Variants in MRPS18C observed in about 807,000 individuals in gnomAD.
MRPS18C encodes small ribosomal subunit protein bS18m.
In MRPS18C, 21 loss-of-function variants were observed where a neutral mutation model predicts 21.0. That is an observed-to-expected ratio of 1.00 (90% CI 0.71 to 1.44). The LOEUF (loss-of-function observed/expected upper bound fraction) is 1.44, where lower values mean the gene tolerates loss of function less well. Ranked by LOEUF, MRPS18C falls within the 40% of genes most tolerant of loss-of-function variation. The pLI is 0.00. For missense variants in MRPS18C, 152 were observed against 171.5 expected, an observed-to-expected ratio of 0.89 and a Z score of 0.64; for synonymous variants, 65 against 54.3, an observed-to-expected ratio of 1.20 and a Z score of -0.87.
At chr4:83,460,639 C>T (rs865809205) in intron 4 of MRPS18C, 12 of 242,308 alleles carry the variant, frequency 5.0e-5, no homozygotes, top group Middle Eastern at 1.5e-3. Flanking sequence ...CATGTTGGCT[C>T]ACACCTGTAA....
At chr4:83,460,018 T>C (rs910988850) in intron 4 of MRPS18C, 6 of 394,656 alleles carry the variant, frequency 1.5e-5, no homozygotes, top group African/African-American at 1.2e-4. Context: ...AACTGGGCTT[T>C]AAAAAACTGT....
rs1722130841 is a variant in MRPS18C at position 83,461,842 on chromosome 4, T to C, written c.*645T>C. 1 of 227,872 alleles carries C rather than the reference T, an allele frequency of 4.4e-6. No individual in the cohort carries two copies. 14.1% of individuals were successfully genotyped at this position (227,872 alleles called of 1,614,324 possible). Reference sequence around the variant, plus strand: ...TTTGTGTTGTGTTATAGTTGTGTAATAATTAAGGCTGCCAGATTTAGCAAG... The same window carrying C: ...TTTGTGTTGTGTTATAGTTGTGTAACAATTAAGGCTGCCAGATTTAGCAAG... On this transcript the variant is annotated 3_prime_UTR_variant, in exon 6 of 6. Coordinates refer to ENST00000295491, the MANE Select transcript of MRPS18C (RefSeq NM_016067.4).
chr4:83,460,783 G>T (rs1722066382), intron 4 of MRPS18C, 190 bp from the exon 5 acceptor site: 2 of 554,384 alleles, frequency 3.6e-6, no homozygotes, highest in South Asian at 2.1e-5. Context: ...GTGCATGCCT[G>T]TAATTCCAGT....
chr4:83,461,014 AAG>A lies in MRPS18C; in HGVS notation c.339_340del (p.Arg113SerfsTer21). ...KKQKEITKAI[K>X]RAQIMGFMPV... ...ACAGAAAGAAATCACAAAAGCAATT[AAG>A]AGAGCTCAAATAATGGGTAAGAAAG... On this transcript the variant is annotated frameshift_variant, in exon 5 of 6. Transcript: ENST00000295491. LOFTEE classifies it high-confidence loss of function. 1.2e-6 allele frequency: 2 copies of A among 1,611,892 alleles called. No individual in the cohort carries two copies. The highest frequency in any genetic ancestry group is 1.7e-6 in the Non-Finnish European group (2 of 1,179,194).
intron 2 of MRPS18C, 34 bp from the exon 3 acceptor site, chr4:83,458,312 A>C: frequency 7.2e-7 from 1 of 1,389,038 alleles, no homozygotes; most frequent in Non-Finnish European, 1.0e-6. Context: ...GAATTAACAC[A>C]TCCTATTATC....
intron 4 of MRPS18C, 63 bp downstream of exon 4, chr4:83,459,860 C>T: frequency 4.3e-6 from 6 of 1,401,834 alleles, no homozygotes; most frequent in Non-Finnish European, 5.9e-6. Context: ...CTATTTCTAT[C>T]ATTTAAGAAA....
Position 83,460,918 on chromosome 4 carries a change from T to G in MRPS18C, c.293-55T>G, listed in dbSNP as rs1722076212. 29 of 1,523,290 alleles carry G rather than the reference T, an allele frequency of 1.9e-5. 1 individual carries two copies. In the South Asian group the frequency reaches 3.5e-4, roughly 18 times the overall value. The allele number at this position is 1,523,290 out of a possible 1,614,324, so 94.4% of individuals were successfully genotyped here. ...GAGACTCCATCTCAAAAAAAAAAAT[T>G]GCAAACTTTAAATATTGACATTTTT... On this transcript the variant is annotated intron_variant, in intron 4 of 5. Coordinates refer to ENST00000295491, the MANE Select transcript of MRPS18C (RefSeq NM_016067.4).
At position 83,458,326 on chromosome 4, in the gene MRPS18C, CTT is replaced by C; in HGVS notation, c.151-17_151-16del. 4 of 1,504,254 alleles carry C rather than the reference CTT, an allele frequency of 2.7e-6. No individual in the cohort carries two copies. The highest frequency in any genetic ancestry group is 1.2e-5 in the South Asian group (1 of 86,798). 93.2% of individuals were successfully genotyped at this position (1,504,254 alleles called of 1,614,324 possible). A position where few individuals can be genotyped will look rare whatever the true frequency, so the allele number is the denominator to read the frequency against. On this transcript the variant is annotated intron_variant, in intron 2 of 5. Coordinates refer to ENST00000295491, the MANE Select transcript of MRPS18C (RefSeq NM_016067.4). ...AGAATTAACACATCCTATTATCAGA[CTT>C]TTCGTTTTTTTCCCTAGCCCATTTC...
chr4:83,461,619 C>T lies in MRPS18C; in HGVS notation c.*422C>T, dbSNP rs1383193084. ...TTCCTAGACGAGTCTACCCTCAAAC[C>T]AGTAGTGTCTTTTACATGAAGAGAT... On this transcript the variant is annotated 3_prime_UTR_variant, in exon 6 of 6. Coordinates refer to ENST00000295491, the MANE Select transcript of MRPS18C (RefSeq NM_016067.4). 2 of 284,664 alleles carry T rather than the reference C, an allele frequency of 7.0e-6. No homozygotes were observed. Among genetic ancestry groups the T allele is most frequent in the Non-Finnish European group, 1.4e-5 (2 of 147,754 alleles). 17.6% of individuals were successfully genotyped at this position (284,664 alleles called of 1,614,324 possible). A position where few individuals can be genotyped will look rare whatever the true frequency, so the allele number is the denominator to read the frequency against.
chr4:83,456,864 G>A (rs775717702), intron 1 of MRPS18C, 45 bp from the exon 2 acceptor site: 1 of 1,596,234 alleles, frequency 6.3e-7, no homozygotes, highest in Admixed American at 1.8e-5. Context: ...TAGCTATTCA[G>A]CTAAGAAAAA....
At chr4:83,458,583 TATCTCTGC>T in intron 3 of MRPS18C, 154 bp downstream of exon 3, 1 of 531,604 alleles carries the variant, frequency 1.9e-6, no homozygotes, top group Non-Finnish European at 3.2e-6. Flanking sequence ...TGTATAAGCT[TATCTCTGC>T]TTTATTCAAG....
At chr4:83,456,299 A>G (rs912380200) in intron 1 of MRPS18C, 122 bp downstream of exon 1, 1 of 823,296 alleles carries the variant, frequency 1.2e-6, no homozygotes. Context: ...TTTCTCCAAG[A>G]TGGGTGGGAA....
At chr4:83,459,503 C>A in intron 3 of MRPS18C, 1 of 380,692 alleles carries the variant, frequency 2.6e-6, no homozygotes, top group African/African-American at 2.1e-5. Flanking sequence ...AACAGATTTA[C>A]CATTGAATGA....
chr4:83,458,459 T>C (rs758656959), intron 3 of MRPS18C, 30 bp downstream of exon 3: 1 of 1,511,074 alleles, frequency 6.6e-7, no homozygotes, highest in Non-Finnish European at 9.1e-7. Context: ...CACTATATTT[T>C]AGGGTTTTGC....
At chr4:83,460,943 T>G (rs1560568922) in intron 4 of MRPS18C, 30 bp from the exon 5 acceptor site, 18 of 1,576,634 alleles carry the variant, frequency 1.1e-5, no homozygotes, top group Non-Finnish European at 1.5e-5. Context: ...TTGACATTTT[T>G]TATGAATAAG....
chr4:83,456,253 TG>T, intron 1 of MRPS18C, 76 bp downstream of exon 1: 1 of 1,276,336 alleles, frequency 7.8e-7, no homozygotes, highest in Non-Finnish European at 1.1e-6. Flanking sequence ...GAGTCGTCCC[TG>T]TTAGCAAAAC....
chr4:83,457,355 C>T (rs898956077), intron 2 of MRPS18C: 15 of 172,304 alleles, frequency 8.7e-5, no homozygotes, highest in Non-Finnish European at 1.5e-4. Flanking sequence ...TGAAAAGAGA[C>T]TGTACAAAGC....
Position 83,462,259 on chromosome 4 carries a change from A to C in MRPS18C, c.*1062A>C, listed in dbSNP as rs2110032503. ...CCCTCAACAACTTAGTGAAAGGTGAAAAAAAGGTTTGGAAATAAAAGCATC... is the reference window on the plus strand; with the variant it reads ...CCCTCAACAACTTAGTGAAAGGTGACAAAAAGGTTTGGAAATAAAAGCATC... On this transcript the variant is annotated 3_prime_UTR_variant, in exon 6 of 6. Transcript: ENST00000295491. The C allele has an allele frequency of 9.5e-6, 5 of 525,774 alleles. No homozygotes were observed. In the South Asian group the frequency reaches 1.3e-4, roughly 13 times the overall value. The allele number at this position is 525,774 out of a possible 1,614,324, so 32.6% of individuals were successfully genotyped here.
At chr4:83,458,643 T>C in intron 3 of MRPS18C, 1 of 405,648 alleles carries the variant, frequency 2.5e-6, no homozygotes, top group South Asian at 3.3e-5. Flanking sequence ...TTATTTCCAC[T>C]CTGTTTTTTT....
Sources: allele counts gnomAD v4.1 joint callset, GRCh38; gene constraint gnomAD v4.1.1; transcripts MANE v1.5; gene names NCBI Gene and HGNC (gene_info 2026-07-23, HGNC 2026-07-21).